The following MED12 variants were observed in gnomAD, a reference collection of about 807,000 sequenced individuals.
The protein encoded by MED12 is mediator complex subunit 12.
MED12 carries 10 observed loss-of-function variants against 177.7 expected under a neutral mutation model. That is an observed-to-expected ratio of 0.06 (90% CI 0.03 to 0.10). The LOEUF is 0.10. MED12 is among the 10% of genes least tolerant of loss of function. The pLI, the probability that MED12 is intolerant of heterozygous loss-of-function variation, is 1.00. For missense variants in MED12, 867 were observed against 1,780.8 expected (o/e 0.49, Z 9.23); for synonymous variants, 641 against 678.4 (o/e 0.94, Z 0.86).
rs1310989859 is a variant in MED12, at chrX:71,118,656, C to G, written c.-99C>G. On this transcript the variant is annotated 5_prime_UTR_variant, in exon 1 of 45. Coordinates refer to ENST00000374080, the MANE Select transcript of MED12 (RefSeq NM_005120.3). Reference sequence around the variant, plus strand: ...CCCTTGTTGTCTCTCGGCCGCCGTCCTCTCAACCACCGCCCCCCTTTTCGG... The same window carrying G: ...CCCTTGTTGTCTCTCGGCCGCCGTCGTCTCAACCACCGCCCCCCTTTTCGG... 1 of 769,988 alleles carries G rather than the reference C, an allele frequency of 1.3e-6. No individual in the cohort carries two copies. Among genetic ancestry groups the G allele is most frequent in the Non-Finnish European group, 1.9e-6 (1 of 514,622 alleles). The allele number at this position is 769,988 out of a possible 1,213,427, so 63.5% of individuals were successfully genotyped here.
intron 29 of MED12, 104 bp from the exon 30 acceptor site, chrX:71,131,969 C>T: frequency 5.3e-6 from 4 of 757,415 alleles, no homozygotes; most frequent in African/African-American, 2.0e-5. Flanking sequence ...CATCAATCTC[C>T]GCCAGTGTTG....
Position 71,129,735 on chromosome X carries a change from T to C in MED12, c.3747T>C (p.Leu1249=). 1.7e-6 allele frequency: 2 copies of C among 1,203,737 alleles called. No individual in the cohort carries two copies. The highest frequency in any genetic ancestry group is 3.6e-5 in the South Asian group (2 of 55,672). ...CTGTGACAGGAGGAACAGAAGAACT[T>C]CCAGAGGAGGAGGGAGGAGGTGGCA... ...GFTVTGGTEE[L]PEEEGGGGSG... is the part of the protein sequence containing the mutation. Residue 1249 remains leucine (L), a synonymous_variant, in exon 27 of 45, where the codon CTT becomes CTC. Transcript: ENST00000374080.
At chrX:71,140,998 GA>G in intron 42 of MED12, 141 bp downstream of exon 42, 1 of 1,126,544 alleles carries the variant, frequency 8.9e-7, no homozygotes, top group Non-Finnish European at 1.2e-6. Flanking sequence ...TGGTGCTGGA[GA>G]AGTTTTCTAC....
chrX:71,119,123 G>A (rs947119988), intron 1 of MED12, among the ~76,000 whole-genome samples: 4 of 110,492 alleles, frequency 3.6e-5, no homozygotes, highest in South Asian at 7.8e-4. Context: ...GGTGGGGTAC[G>A]GCTGCTCGGC....
chrX:71,129,883 C>T (rs2092312525), intron 27 of MED12, 28 bp downstream of exon 27: 1 of 1,203,869 alleles, frequency 8.3e-7, no homozygotes, highest in Non-Finnish European at 1.1e-6. Flanking sequence ...CCCACACCTC[C>T]TAAATGCCTC....
chrX:71,130,000 G>T, intron 27 of MED12, 35 bp from the exon 28 acceptor site: 2 of 1,199,932 alleles, frequency 1.7e-6, no homozygotes, highest in Non-Finnish European at 2.3e-6. Context: ...CCCCCTCACT[G>T]GTTGTTCCCA....
intron 37 of MED12, 77 bp downstream of exon 37, chrX:71,136,732 T>TG (rs1196452547): frequency 8.5e-7 from 1 of 1,182,970 alleles, no homozygotes; most frequent in Non-Finnish European, 1.1e-6. Context: ...GTGGGAGGGG[T>TG]GGGGGCGCAT....
Position 71,124,370 on chromosome X carries a change from C to G in MED12, c.1956C>G (p.Ser652Arg). 1 of 1,202,788 alleles carries G rather than the reference C, an allele frequency of 8.3e-7. No individual in the cohort carries two copies. The highest frequency in any genetic ancestry group is 1.1e-6 in the Non-Finnish European group (1 of 889,287). ...DDPEHKEAEG[S>R]SSSKLEDPGL... ...CAGAGCACAAGGAGGCTGAAGGCAG[C>G]AGCAGCAGCAAGCTGGAAGTGAGTG... Residue 652 changes from serine (S) to arginine (R), a missense_variant, in exon 13 of 45, where the codon AGC becomes AGG. Transcript: ENST00000374080.
In MED12 at chrX:71,128,106, C is replaced by T; in HGVS notation, c.3195C>T (p.His1065=). ...CNALMHVCVG[H]HDPDRVNDIA... ...CCCTTATGCACGTCTGTGTGGGGCA[C>T]CATGATCCCGATAGGTATGGGGTGT... The change falls in exon 22 of 45, where the codon CAC becomes CAT. Residue 1065 remains histidine (H), a synonymous_variant. Transcript: ENST00000374080. 1 of 1,209,528 alleles carries T rather than the reference C, an allele frequency of 8.3e-7. No homozygotes were observed. Among genetic ancestry groups the T allele is most frequent in the Non-Finnish European group, 1.1e-6 (1 of 893,894 alleles).
Position 71,142,226 on chromosome X carries a change from G to A in MED12, c.*8G>A, listed in dbSNP as rs2092350177. ...ATATTTGGACGCTACTGAGCCACCT[G>A]GAGGAACTGCTTGTGCACTGGATGT... On this transcript the variant is annotated 3_prime_UTR_variant, in exon 45 of 45. Transcript: ENST00000374080. 8.3e-7 allele frequency: 1 copy of A among 1,207,361 alleles called. No individual in the cohort carries two copies. Among genetic ancestry groups the A allele is most frequent in the African/African-American group, 1.7e-5 (1 of 57,145 alleles).
At chrX:71,120,308 G>C in intron 4 of MED12, 138 bp downstream of exon 4, 1 of 677,178 alleles carries the variant, frequency 1.5e-6, no homozygotes, top group Non-Finnish European at 2.3e-6. Flanking sequence ...TAAACACTGA[G>C]AAATTTGAGT....
chrX:71,141,770 C>G (rs2092348710), intron 43 of MED12, 113 bp from the exon 44 acceptor site: 5 of 692,214 alleles, frequency 7.2e-6, no homozygotes, highest in Non-Finnish European at 9.0e-6. Flanking sequence ...CCACTGCACT[C>G]CAGCCTGGGG....
Position 71,124,701 on chromosome X carries a change from T to C in MED12, c.1975-63T>C, listed in dbSNP as rs2092298320. On this transcript the variant is annotated intron_variant, in intron 13 of 44. Transcript: ENST00000374080. ...CTCTCTCCACTTCCCCAATGAAGTTTTACAGATGGTGGGAGCCACTCCCTA... is the reference window on the plus strand; with the variant it reads ...CTCTCTCCACTTCCCCAATGAAGTTCTACAGATGGTGGGAGCCACTCCCTA... 4.3e-6 allele frequency: 4 copies of C among 926,538 alleles called. No individual in the cohort carries two copies. The Admixed American group carries it at 9.2e-5, about 21-fold the overall frequency. The allele number at this position is 926,538 out of a possible 1,213,427, so 76.4% of individuals were successfully genotyped here.
rs1432507171 is a variant in MED12, at chrX:71,126,067, C to T, written c.2454C>T (p.Asn818=). ...GGEDGQKRRR[N]RPEAFPTAED... is the part of the protein sequence containing the mutation. Reference sequence around the variant, plus strand: ...AGGATGGGCAGAAGCGGCGACGCAACCGGCCTGAAGCCTTCCCCACTGCTG... The same window carrying T: ...AGGATGGGCAGAAGCGGCGACGCAATCGGCCTGAAGCCTTCCCCACTGCTG... The change falls in exon 18 of 45, where the codon AAC becomes AAT. Residue 818 remains asparagine, a synonymous_variant. Transcript: ENST00000374080. The T allele has an allele frequency of 8.3e-7, 1 of 1,208,565 alleles. No homozygotes were observed. The highest frequency in any genetic ancestry group is 3.0e-5 in the East Asian group (1 of 33,716).
chrX:71,123,341 T>A, intron 11 of MED12, 115 bp downstream of exon 11: 1 of 1,037,095 alleles, frequency 9.6e-7, no homozygotes, highest in Non-Finnish European at 1.3e-6. Flanking sequence ...GAGAACAGAG[T>A]AAAGAAGCAA....
At position 71,124,957 on chromosome X, in the gene MED12, T is replaced by C; in HGVS notation, c.2056-19T>C. The C allele has an allele frequency of 8.3e-7, 1 of 1,209,677 alleles. No individual in the cohort carries two copies. Among genetic ancestry groups the C allele is most frequent in the Non-Finnish European group, 1.1e-6 (1 of 894,197 alleles). Reference sequence around the variant, plus strand: ...CACTTTCCTTCTTCTCATGTTCTGCTTTCTCACCTTTCTCTCAGTTGTTCT... The same window carrying C: ...CACTTTCCTTCTTCTCATGTTCTGCCTTCTCACCTTTCTCTCAGTTGTTCT... On this transcript the variant is annotated intron_variant, in intron 14 of 44. Transcript: ENST00000374080.
chrX:71,138,819 A>T (rs2092339265), intron 41 of MED12, among the ~76,000 whole-genome samples: 1 of 111,572 alleles, frequency 9.0e-6, no homozygotes, highest in South Asian at 3.7e-4. Flanking sequence ...GAACTACATG[A>T]TAAGGAGTCG....
In MED12 at chrX:71,118,675, T is replaced by C; in HGVS notation, c.-80T>C. ...GCCGTCCTCTCAACCACCGCCCCCC[T>C]TTTCGGCTCCCTCTCCCCCTTCCCG... is the stretch of plus-strand genomic sequence containing the variant. On this transcript the variant is annotated 5_prime_UTR_variant, in exon 1 of 45. Coordinates refer to ENST00000374080, the MANE Select transcript of MED12 (RefSeq NM_005120.3). 3.1e-6 allele frequency: 3 copies of C among 958,175 alleles called. No homozygotes were observed. Among genetic ancestry groups the C allele is most frequent in the Non-Finnish European group, 4.4e-6 (3 of 684,523 alleles). 79.0% of individuals were successfully genotyped at this position (958,175 alleles called of 1,213,427 possible). A position where few individuals can be genotyped will look rare whatever the true frequency, so the allele number is the denominator to read the frequency against.
Position 71,122,531 on chromosome X carries a change from C to T in MED12, c.1272C>T (p.Ile424=), listed in dbSNP as rs2092291972. ...TQQVRAKLRE[I]EQQIKERGQA... ...AGGTCCGTGCAAAGTTGCGGGAGAT[C>T]GAGCAGCAGATCAAGGAGCGGGGAC... Residue 424 remains isoleucine, a synonymous_variant, in exon 9 of 45, where the codon ATC becomes ATT. Coordinates refer to ENST00000374080, the MANE Select transcript of MED12 (RefSeq NM_005120.3). 5.0e-6 allele frequency: 6 copies of T among 1,211,344 alleles called. No individual in the cohort carries two copies. The highest frequency in any genetic ancestry group is 1.8e-5 in the South Asian group (1 of 56,987).
Sources: allele counts gnomAD v4.1 joint callset (sites outside exome capture counted in the v4.1 genomes callset), GRCh38; gene constraint gnomAD v4.1.1; transcripts MANE v1.5; gene names NCBI Gene and HGNC (gene_info 2026-07-23, HGNC 2026-07-21).